DOCK10: variants seen among roughly 807,000 people sequenced by gnomAD.
DOCK10 encodes dedicator of cytokinesis protein 10.
Under a neutral mutation model 280.1 loss-of-function variants are expected in DOCK10, and 145 were observed. The observed-to-expected ratio is 0.52, with a 90% CI of 0.45 to 0.59. The LOEUF (loss-of-function observed/expected upper bound fraction) is 0.59, where lower values mean the gene tolerates loss of function less well. Among genes scored for constraint, DOCK10 ranks in the 20% least tolerant of loss-of-function variants. The pLI is 0.00. For synonymous variants in DOCK10, 915 were observed against 942.2 expected, an observed-to-expected ratio of 0.97 and a Z score of 0.53; for missense variants, 2,368 against 2,651.7, an observed-to-expected ratio of 0.89 and a Z score of 2.35.
intron 42 of DOCK10, among the ~76,000 whole-genome samples, 171 bp downstream of exon 42, chr2:224,797,661 A>G (rs1049503766): frequency 6.6e-6 from 1 of 152,230 alleles, no homozygotes; most frequent in South Asian, 2.1e-4. Context: ...ACAGATTGTC[A>G]AGGCTGTGCA....
intron 3 of DOCK10, among the ~76,000 whole-genome samples, chr2:224,896,800 G>A (rs1700012718): frequency 6.6e-6 from 1 of 152,126 alleles, no homozygotes; most frequent in African/African-American, 2.4e-5. Flanking sequence ...GTGCCTCTGG[G>A]GTGCTGTGAA....
At chr2:224,988,076 G>A (rs778641695) in intron 1 of DOCK10, among the ~76,000 whole-genome samples, 12 of 152,172 alleles carry the variant, frequency 7.9e-5, no homozygotes, top group East Asian at 1.9e-4. Context: ...GTGAACAAGC[G>A]TGATGCTGCC....
intron 11 of DOCK10, among the ~76,000 whole-genome samples, chr2:224,866,536 T>G (rs1259687499): frequency 6.6e-6 from 1 of 152,210 alleles, no homozygotes; most frequent in East Asian, 1.9e-4. Context: ...CAGGTCTTGC[T>G]ACTCACCAAA....
intron 3 of DOCK10, among the ~76,000 whole-genome samples, chr2:224,905,853 G>T (rs1700594892): frequency 6.6e-6 from 1 of 152,118 alleles, no homozygotes; most frequent in Non-Finnish European, 1.5e-5. Flanking sequence ...CTTAGTGAGA[G>T]TGTGGCTCAG....
At position 224,795,478 on chromosome 2, in the gene DOCK10, G is replaced by T. The variant is rs573840264; in HGVS notation, c.4939-384C>A. Among the ~76,000 whole-genome samples the T allele has an allele frequency of 5.9e-5, 9 of 152,300 alleles. No individual in the cohort carries two copies. In the East Asian group the frequency reaches 1.7e-3, roughly 29 times the overall value. The stretch of plus-strand genomic sequence containing the variant: ...ATTTTTTGATCCTCCAAGCTACAGT[G>T]ATTGGTTTAGGGATAAGCATATTAT... On this transcript the variant is annotated intron_variant, in intron 44 of 55. Coordinates refer to ENST00000258390, the MANE Select transcript of DOCK10 (RefSeq NM_014689.3).
chr2:224,843,072 G>A (rs1219526072), intron 22 of DOCK10, among the ~76,000 whole-genome samples: 2 of 152,164 alleles, frequency 1.3e-5, no homozygotes, highest in Non-Finnish European at 2.9e-5. Flanking sequence ...CGGTGCGGGT[G>A]GGGGTGGCGG....
At chr2:224,926,577 C>T (rs1702056881) in intron 2 of DOCK10, among the ~76,000 whole-genome samples, 2 of 152,174 alleles carry the variant, frequency 1.3e-5, no homozygotes, top group Admixed American at 1.3e-4. Flanking sequence ...TTGCTGATAT[C>T]AGCTATGAGC....
intron 50 of DOCK10, 24 bp from the exon 51 acceptor site, chr2:224,778,308 A>G (rs773478572): frequency 1.3e-6 from 2 of 1,580,602 alleles, no homozygotes; most frequent in Admixed American, 3.6e-5. Context: ...TGAACCACCA[A>G]TTTTATTAGA....
intron 24 of DOCK10, among the ~76,000 whole-genome samples, chr2:224,839,235 C>T (rs897203145): frequency 1.5e-4 from 23 of 151,144 alleles, no homozygotes; most frequent in Non-Finnish European, 7.4e-5. Flanking sequence ...CCCACCACCA[C>T]GCCCGGCTAA....
intron 1 of DOCK10, among the ~76,000 whole-genome samples, chr2:224,953,110 G>T (rs1437259754): frequency 2.0e-5 from 3 of 152,200 alleles, no homozygotes; most frequent in Non-Finnish European, 4.4e-5. Context: ...ACATGTACAT[G>T]ATGACAGGAT....
chr2:224,817,848 G>A lies in DOCK10; in HGVS notation c.3268-1135C>T, dbSNP rs139629197. Among the ~76,000 whole-genome samples, 517 of 152,330 alleles carry A rather than the reference G, an allele frequency of 3.4e-3. 1 individual carries two copies. Among genetic ancestry groups the A allele is most frequent in the African/African-American group, 0.011 (476 of 41,570 alleles). ...TAATGTTTAAGCAACTAAGCATGAC[G>A]TGAAAGGCTGTAAGAATCTCATGAT... On this transcript the variant is annotated intron_variant, in intron 29 of 55. Transcript: ENST00000258390.
chr2:224,883,898 A>C (rs1387779155), intron 7 of DOCK10, among the ~76,000 whole-genome samples: 1 of 152,244 alleles, frequency 6.6e-6, no homozygotes, highest in East Asian at 1.9e-4. Flanking sequence ...GTACTTCTTA[A>C]AAAATGATGA....
chr2:224,783,424 G>A (rs764094688), intron 50 of DOCK10, among the ~76,000 whole-genome samples: 10 of 151,952 alleles, frequency 6.6e-5, no homozygotes, highest in Non-Finnish European at 1.2e-4. Flanking sequence ...ACAGGCGCTC[G>A]CCACCACGTC....
At chr2:224,897,928 A>G (rs1363784294) in intron 3 of DOCK10, among the ~76,000 whole-genome samples, 1 of 152,214 alleles carries the variant, frequency 6.6e-6, no homozygotes, top group Non-Finnish European at 1.5e-5. Context: ...TTCTAAAATT[A>G]CATGATTCTG....
At chr2:224,798,752 C>T (rs1272994012) in intron 41 of DOCK10, among the ~76,000 whole-genome samples, 1 of 152,024 alleles carries the variant, frequency 6.6e-6, no homozygotes, top group Non-Finnish European at 1.5e-5. Flanking sequence ...CCACCTCAGC[C>T]TTCCGAATAG....
intron 3 of DOCK10, among the ~76,000 whole-genome samples, chr2:224,904,628 T>G (rs757814385): frequency 5.9e-5 from 9 of 152,190 alleles, no homozygotes; most frequent in Admixed American, 2.6e-4. Flanking sequence ...AGCATTCATT[T>G]TTACTTAATT....
intron 11 of DOCK10, among the ~76,000 whole-genome samples, chr2:224,867,913 A>G (rs558103682): frequency 6.6e-6 from 1 of 152,192 alleles, no homozygotes; most frequent in Admixed American, 6.5e-5. Flanking sequence ...TGGCTGATAT[A>G]GGGGATAAAG....
chr2:224,830,243 C>T (rs1695139158), intron 27 of DOCK10, among the ~76,000 whole-genome samples: 1 of 152,186 alleles, frequency 6.6e-6, no homozygotes, highest in Admixed American at 6.5e-5. Flanking sequence ...CTCCTTCCTT[C>T]CCCCTTTTCA....
chr2:224,911,200 A>T (rs1322968411), intron 3 of DOCK10, among the ~76,000 whole-genome samples: 2 of 152,174 alleles, frequency 1.3e-5, no homozygotes, highest in Admixed American at 1.3e-4. Flanking sequence ...GTCTACAAGC[A>T]GTTGAAAGGG....
Sources: gnomAD v4.1 joint callset for allele counts (sites outside exome capture counted in the v4.1 genomes callset) on GRCh38, gnomAD v4.1.1 for gene constraint, MANE v1.5 for transcripts, NCBI Gene and HGNC (gene_info 2026-07-23, HGNC 2026-07-21) for gene names.